The following KALRN variants were observed in gnomAD, a reference collection of about 807,000 sequenced individuals.
The protein encoded by KALRN is kalirin.
A neutral mutation model predicts 353.7 loss-of-function variants in KALRN; 70 were observed. The ratio of observed to expected loss-of-function variants is 0.20; its 90% CI spans 0.16 to 0.24. KALRN has a LOEUF of 0.24. Among genes scored for constraint, KALRN ranks in the 10% least tolerant of loss-of-function variants. The probability of loss-of-function intolerance (pLI) is 1.00; values close to 1 mark genes in which losing one functional copy is unlikely to be tolerated. For missense variants in KALRN, 2,791 were observed against 3,756.7 expected (o/e 0.74, Z 6.72); for synonymous variants, 1,391 against 1,434.8 (o/e 0.97, Z 0.69).
intron 13 of KALRN, among the ~76,000 whole-genome samples, chr3:124,411,992 AGT>A (rs1278592641): frequency 1.3e-5 from 2 of 152,108 alleles, no homozygotes; most frequent in Non-Finnish European, 2.9e-5. Flanking sequence ...GGGCAGTGAG[AGT>A]GATATTTTCA....
At chr3:124,398,590 A>G in intron 12 of KALRN, 107 bp from the exon 13 acceptor site, 1 of 1,089,184 alleles carries the variant, frequency 9.2e-7, no homozygotes, top group Non-Finnish European at 1.4e-6. Flanking sequence ...GAATGACTCA[A>G]CTGATTCACA....
intron 12 of KALRN, among the ~76,000 whole-genome samples, chr3:124,398,025 G>A (rs1560801421): frequency 1.3e-5 from 2 of 152,222 alleles, no homozygotes; most frequent in Admixed American, 1.3e-4. Context: ...AGATAAGGCA[G>A]CTGAGGCTCA....
intron 15 of KALRN, among the ~76,000 whole-genome samples, chr3:124,428,832 A>C (rs1261786139): frequency 6.6e-6 from 1 of 152,214 alleles, no homozygotes; most frequent in South Asian, 2.1e-4. Flanking sequence ...TGTTGGCTGA[A>C]ACTGGAGAGA....
intron 10 of KALRN, among the ~76,000 whole-genome samples, chr3:124,381,360 G>A (rs548251157): frequency 6.6e-6 from 1 of 152,270 alleles, no homozygotes; most frequent in African/African-American, 2.4e-5. Flanking sequence ...GATGTGGGTT[G>A]AAGCTGAAGG....
intron 9 of KALRN, among the ~76,000 whole-genome samples, chr3:124,341,929 T>G (rs2081768693): frequency 6.7e-6 from 1 of 149,906 alleles, no homozygotes; most frequent in African/African-American, 2.5e-5. Context: ...GGAAAGGATA[T>G]GGAAAGTGAA....
rs1412610252 is a variant in KALRN at position 124,671,866 on chromosome 3, C to T, written c.6910C>T (p.His2304Tyr). The change falls in exon 48 of 60, where the codon CAC (histidine) becomes TAC (tyrosine). Residue 2304 changes from histidine (H) to tyrosine (Y), a missense_variant. By Grantham distance (83) the His-to-Tyr change is moderately conservative. Transcript: ENST00000682506. ...TSNGSPGFEYHQPGDKFEASK... is the reference protein window; with the variant it reads ...TSNGSPGFEYYQPGDKFEASK... ...CAATGGCAGTCCAGGGTTTGAATACCACCAGCCTGGGGACAAGTTCGAAGC... is the reference window on the plus strand; with the variant it reads ...CAATGGCAGTCCAGGGTTTGAATACTACCAGCCTGGGGACAAGTTCGAAGC... The T allele has an allele frequency of 1.9e-6, 3 of 1,613,880 alleles. No homozygotes were observed. The highest frequency in any genetic ancestry group is 1.7e-5 in the Admixed American group (1 of 60,006).
At chr3:124,143,600 A>G (rs955573668) in intron 1 of KALRN, among the ~76,000 whole-genome samples, 2 of 152,352 alleles carry the variant, frequency 1.3e-5, no homozygotes. Context: ...ACAGAGTGCT[A>G]GGAAACAAGG....
chr3:124,243,375 C>T (rs750192074), intron 3 of KALRN, among the ~76,000 whole-genome samples: 11 of 152,034 alleles, frequency 7.2e-5, no homozygotes. Flanking sequence ...TTTGTGATTC[C>T]CTGGAGAACA....
At chr3:124,118,765 C>A (rs2063699233) in intron 1 of KALRN, among the ~76,000 whole-genome samples, 1 of 152,232 alleles carries the variant, frequency 6.6e-6, no homozygotes, top group Admixed American at 6.5e-5. Context: ...TTGTTCCAAA[C>A]ACTGGAAATC....
chr3:124,451,403 C>A (rs1164610314), intron 21 of KALRN, among the ~76,000 whole-genome samples: 2 of 152,136 alleles, frequency 1.3e-5, no homozygotes, highest in Admixed American at 1.3e-4. Flanking sequence ...TTAGGGGACA[C>A]ATGAAGCCCA....
chr3:124,628,151 CCCTCCCTCCCTT>C (rs2080189748), intron 34 of KALRN, among the ~76,000 whole-genome samples: 3 of 55,376 alleles, frequency 5.4e-5, no homozygotes, highest in Admixed American at 2.9e-4. Context: ...CTCCCTCCCT[CCCTCCCTCCCTT>C]CCTTCCTTCC....
chr3:124,175,033 C>T (rs2072464080), intron 1 of KALRN, among the ~76,000 whole-genome samples: 1 of 152,172 alleles, frequency 6.6e-6, no homozygotes, highest in Admixed American at 6.5e-5. Context: ...TATCCCTGGG[C>T]CAGCTTGACT....
chr3:124,369,529 A>G (rs1196447248), intron 10 of KALRN, among the ~76,000 whole-genome samples: 2 of 152,246 alleles, frequency 1.3e-5, no homozygotes, highest in East Asian at 1.9e-4. Flanking sequence ...TTTGAAATAT[A>G]TATACATTGA....
chr3:124,139,302 A>C (rs938565249), intron 1 of KALRN, among the ~76,000 whole-genome samples: 3 of 152,150 alleles, frequency 2.0e-5, no homozygotes, highest in Non-Finnish European at 4.4e-5. Flanking sequence ...TCATGTGTCA[A>C]AGTTTGGGTG....
chr3:124,560,077 TAG>T (rs1186533221), intron 33 of KALRN, among the ~76,000 whole-genome samples: 3 of 152,226 alleles, frequency 2.0e-5, no homozygotes, highest in Admixed American at 6.5e-5. Flanking sequence ...TCTTGAATTG[TAG>T]AGAGACAGAA....
chr3:124,675,704 A>G (rs1228370666), intron 49 of KALRN, among the ~76,000 whole-genome samples: 2 of 152,128 alleles, frequency 1.3e-5, no homozygotes, highest in African/African-American at 4.8e-5. Flanking sequence ...GATGCTGTCC[A>G]ACTGGTTCCC....
Position 124,413,490 on chromosome 3 carries a change from C to T in KALRN, c.2367C>T (p.Ala789=), listed in dbSNP as rs1282121788. 6.2e-7 allele frequency: 1 copy of T among 1,614,072 alleles called. No homozygotes were observed. The highest frequency in any genetic ancestry group is 1.1e-5 in the South Asian group (1 of 91,050). The stretch of plus-strand genomic sequence containing the variant: ...CACAGGTGACAGCAGAGCTAGACGC[C>T]TGGAATGAAGACTTGCTTCGGCAGA... ...YTIEVTAELD[A]WNEDLLRQMN... is the part of the protein sequence containing the mutation. Residue 789 remains alanine (A), a synonymous_variant, in exon 14 of 60, where the codon GCC becomes GCT. Coordinates refer to ENST00000682506, the MANE Select transcript of KALRN (RefSeq NM_001388419.1).
chr3:124,555,341 A>C (rs2071094126), intron 33 of KALRN, among the ~76,000 whole-genome samples: 1 of 151,922 alleles, frequency 6.6e-6, no homozygotes, highest in Non-Finnish European at 1.5e-5. Flanking sequence ...GTGCACCCGG[A>C]AGGCAGAGCT....
chr3:124,242,283 A>G (rs963543748), intron 3 of KALRN, among the ~76,000 whole-genome samples: 1 of 152,246 alleles, frequency 6.6e-6, no homozygotes, highest in African/African-American at 2.4e-5. Context: ...TTTTACATGC[A>G]TTAACTTAAT....
Sources: allele counts gnomAD v4.1 joint callset (sites outside exome capture counted in the v4.1 genomes callset), GRCh38; gene constraint gnomAD v4.1.1; transcripts MANE v1.5; gene names NCBI Gene and HGNC (gene_info 2026-07-23, HGNC 2026-07-21).